Variants in CACNA2D3 observed in about 807,000 individuals in gnomAD.
CACNA2D3 encodes the protein calcium voltage-gated channel auxiliary subunit alpha2delta 3.
Under a neutral mutation model 160.6 loss-of-function variants are expected in CACNA2D3, and 60 were observed. The observed-to-expected ratio is 0.37, with a 90% CI of 0.30 to 0.46. The LOEUF (loss-of-function observed/expected upper bound fraction) is 0.46. Ranked by LOEUF, CACNA2D3 falls within the 20% of genes least tolerant of loss-of-function variation. The pLI, the probability that CACNA2D3 is intolerant of heterozygous loss-of-function variation, is 1.00. For missense variants in CACNA2D3, 1,205 were observed against 1,365.0 expected (o/e 0.88, Z 1.85); for synonymous variants, 558 against 492.9 (o/e 1.13, Z -1.75).
chr3:54,885,605 G>A lies in CACNA2D3; in HGVS notation c.2056+19G>A, dbSNP rs1196036021. The stretch of plus-strand genomic sequence containing the variant: ...CTCCAGTGTGAGTATGCTTTCAAAA[G>A]TGTGCTGTGCCTTCAGGGGTGATGG... On this transcript the variant is annotated intron_variant, in intron 23 of 37. Coordinates refer to ENST00000474759, the MANE Select transcript of CACNA2D3 (RefSeq NM_018398.3). 10 of 1,586,986 alleles carry A rather than the reference G, an allele frequency of 6.3e-6. No individual in the cohort carries two copies. The highest frequency in any genetic ancestry group is 6.9e-6 in the Non-Finnish European group (8 of 1,158,136).
At chr3:54,700,206 A>G (rs1700743056) in intron 11 of CACNA2D3, among the ~76,000 whole-genome samples, 1 of 152,194 alleles carries the variant, frequency 6.6e-6, no homozygotes, top group African/African-American at 2.4e-5. Flanking sequence ...CACCTTCACG[A>G]CTCATGGAAC....
At chr3:55,002,722 G>A (rs754344656) in intron 31 of CACNA2D3, among the ~76,000 whole-genome samples, 1 of 152,206 alleles carries the variant, frequency 6.6e-6, no homozygotes, top group Non-Finnish European at 1.5e-5. Context: ...GACTGGCTAC[G>A]TGACCACTGG....
At chr3:54,803,485 C>T (rs143067655) in intron 13 of CACNA2D3, among the ~76,000 whole-genome samples, 2,787 of 151,392 alleles carry the variant, frequency 0.018, 128 homozygotes, top group Admixed American at 0.095. Context: ...ATGAATGAAG[C>T]GAGAAGGGAA....
chr3:54,360,843 A>G (rs1182606212), intron 3 of CACNA2D3, among the ~76,000 whole-genome samples: 1 of 152,190 alleles, frequency 6.6e-6, no homozygotes, highest in East Asian at 1.9e-4. Context: ...AGACAGATTT[A>G]TATGGTCCAA....
intron 9 of CACNA2D3, chr3:54,626,364 G>T (rs1252382910): frequency 1.3e-6 from 2 of 1,560,868 alleles, no homozygotes; most frequent in African/African-American, 1.3e-5. Context: ...GCCTGCGGCG[G>T]AAGCAGCACT....
chr3:54,164,733 A>C (rs1576971482), intron 2 of CACNA2D3, among the ~76,000 whole-genome samples: 1 of 151,668 alleles, frequency 6.6e-6, no homozygotes, highest in Non-Finnish European at 1.5e-5. Flanking sequence ...CTCACCCACT[A>C]CCCTCTGCCC....
At chr3:54,181,748 GCTT>G (rs1486126625) in intron 2 of CACNA2D3, among the ~76,000 whole-genome samples, 1 of 152,148 alleles carries the variant, frequency 6.6e-6, no homozygotes, top group Non-Finnish European at 1.5e-5. Flanking sequence ...GGTTGCACAT[GCTT>G]CTTATTGAAG....
At chr3:54,945,027 A>G (rs1701578016) in intron 27 of CACNA2D3, among the ~76,000 whole-genome samples, 2 of 152,164 alleles carry the variant, frequency 1.3e-5, no homozygotes, top group Non-Finnish European at 2.9e-5. Context: ...ACTTAGCCAA[A>G]CTGGAGAATG....
intron 2 of CACNA2D3, among the ~76,000 whole-genome samples, chr3:54,183,953 G>T (rs1700833230): frequency 7.1e-6 from 1 of 141,256 alleles, no homozygotes. Context: ...TTGAAGCAAA[G>T]TGGAATTACC....
chr3:54,193,666 G>A (rs1275555692), intron 2 of CACNA2D3, among the ~76,000 whole-genome samples: 1 of 152,204 alleles, frequency 6.6e-6, no homozygotes, highest in Non-Finnish European at 1.5e-5. Flanking sequence ...AGCTCTCACT[G>A]AGGACCACTA....
chr3:54,665,956 C>T (rs1206631540), intron 11 of CACNA2D3, among the ~76,000 whole-genome samples: 3 of 152,078 alleles, frequency 2.0e-5, no homozygotes, highest in Non-Finnish European at 2.9e-5. Flanking sequence ...GATGTGCCAC[C>T]ATGCCCAGCT....
chr3:54,286,387 T>C (rs1318282146), intron 2 of CACNA2D3, among the ~76,000 whole-genome samples: 1 of 152,016 alleles, frequency 6.6e-6, no homozygotes, highest in African/African-American at 2.4e-5. Flanking sequence ...GAAAAAAGAA[T>C]AAAAAGAAAC....
At chr3:54,189,856 C>T (rs1700948234) in intron 2 of CACNA2D3, among the ~76,000 whole-genome samples, 1 of 152,202 alleles carries the variant, frequency 6.6e-6, no homozygotes, top group South Asian at 2.1e-4. Context: ...TTTCTTATGT[C>T]ATTAAAGTTA....
At chr3:54,389,793 C>G (rs1032107504) in intron 4 of CACNA2D3, among the ~76,000 whole-genome samples, 1 of 152,122 alleles carries the variant, frequency 6.6e-6, no homozygotes, top group Non-Finnish European at 1.5e-5. Flanking sequence ...AGGATTTGCT[C>G]CTAATTCAAA....
intron 2 of CACNA2D3, among the ~76,000 whole-genome samples, chr3:54,229,484 T>G (rs1416176360): frequency 3.9e-5 from 6 of 152,242 alleles, no homozygotes; most frequent in African/African-American, 1.2e-4. Flanking sequence ...TGAGCCACCG[T>G]GCCCGGCCAA....
At chr3:54,278,628 T>C (rs1702798108) in intron 2 of CACNA2D3, among the ~76,000 whole-genome samples, 1 of 152,306 alleles carries the variant, frequency 6.6e-6, no homozygotes, top group East Asian at 1.9e-4. Flanking sequence ...ATGTGGCACA[T>C]ATATACCATG....
intron 5 of CACNA2D3, among the ~76,000 whole-genome samples, chr3:54,523,739 G>A (rs1369501119): frequency 6.6e-6 from 1 of 151,944 alleles, no homozygotes; most frequent in Non-Finnish European, 1.5e-5. Context: ...TTCGTGGTTT[G>A]TGTCTTTGTA....
At chr3:55,053,827 A>T (rs1233313920) in intron 35 of CACNA2D3, among the ~76,000 whole-genome samples, 1 of 152,000 alleles carries the variant, frequency 6.6e-6, no homozygotes, top group Non-Finnish European at 1.5e-5. Flanking sequence ...TAAAGGAGAA[A>T]TGGTAAAATC....
chr3:54,969,304 G>C (rs2203526), intron 28 of CACNA2D3, among the ~76,000 whole-genome samples: 2 of 135,924 alleles, frequency 1.5e-5, no homozygotes, highest in Non-Finnish European at 3.0e-5. Context: ...CTGTCTCCCA[G>C]GCTGGAGTGC....
Sources: gnomAD v4.1 joint callset for allele counts (sites outside exome capture counted in the v4.1 genomes callset) on GRCh38, gnomAD v4.1.1 for gene constraint, MANE v1.5 for transcripts, NCBI Gene and HGNC (gene_info 2026-07-23, HGNC 2026-07-21) for gene names.